ARHGEF11: variants seen among roughly 807,000 people sequenced by gnomAD.
The protein encoded by ARHGEF11 is Rho guanine nucleotide exchange factor 11.
ARHGEF11 carries 55 observed loss-of-function variants against 193.7 expected under a neutral mutation model. The ratio of observed to expected loss-of-function variants is 0.28; its 90% CI spans 0.23 to 0.36. The LOEUF (loss-of-function observed/expected upper bound fraction) is 0.36. Among genes scored for constraint, ARHGEF11 ranks in the 10% least tolerant of loss-of-function variants. The pLI, the probability that ARHGEF11 is intolerant of heterozygous loss-of-function variation, is 1.00. For synonymous variants in ARHGEF11, 693 were observed against 768.0 expected, an observed-to-expected ratio of 0.90 and a Z score of 1.62; for missense variants, 1,723 against 2,005.6, an observed-to-expected ratio of 0.86 and a Z score of 2.69.
chr1:156,940,102 A>T, intron 36 of ARHGEF11, 105 bp downstream of exon 36: 1 of 1,427,650 alleles, frequency 7.0e-7, no homozygotes. Flanking sequence ...CCTCAAGCAC[A>T]CCAGGAAGAG....
chr1:156,936,015 C>T lies in ARHGEF11; in HGVS notation c.4674G>A (p.Ala1558=), dbSNP rs142158510. ...PLEDSTADAA[A]SPGP is the part of the protein sequence containing the mutation. ...GTTTGTACGGTTATGGTCCTGGTGACGCGGCTGCGTCTGCTGTGCTGTCTT... is the reference window on the plus strand; with the variant it reads ...GTTTGTACGGTTATGGTCCTGGTGATGCGGCTGCGTCTGCTGTGCTGTCTT... Residue 1558 remains alanine, a synonymous_variant, in exon 41 of 41, where the codon GCG becomes GCA. Transcript: ENST00000368194. 398 of 1,613,572 alleles carry T rather than the reference C, an allele frequency of 2.5e-4. 3 individuals are homozygous for T. In the South Asian group the frequency reaches 4.1e-3, roughly 17 times the overall value.
intron 7 of ARHGEF11, among the ~76,000 whole-genome samples, chr1:156,975,961 C>G (rs1663193860): frequency 6.6e-6 from 1 of 152,158 alleles, no homozygotes; most frequent in Admixed American, 6.5e-5. Flanking sequence ...GTCTTGATTA[C>G]TCTGACATTT....
intron 12 of ARHGEF11, 61 bp downstream of exon 12, chr1:156,963,459 G>C: frequency 6.4e-7 from 1 of 1,568,342 alleles, no homozygotes. Flanking sequence ...ACTGCTTCTA[G>C]TCAAGAGCAG....
At chr1:157,037,330 A>G (rs1237532495) in intron 1 of ARHGEF11, among the ~76,000 whole-genome samples, 7 of 152,120 alleles carry the variant, frequency 4.6e-5, no homozygotes, top group Non-Finnish European at 1.0e-4. Flanking sequence ...CTATATATTA[A>G]TATCAGAATT....
chr1:156,944,159 C>T (rs927034221), intron 31 of ARHGEF11, 57 bp from the exon 32 acceptor site: 9 of 1,583,128 alleles, frequency 5.7e-6, no homozygotes, highest in Non-Finnish European at 7.8e-6. Context: ...CCCTCATGAG[C>T]ACAATGCAGG....
intron 3 of ARHGEF11, among the ~76,000 whole-genome samples, chr1:156,983,452 G>A (rs1487278139): frequency 6.6e-6 from 1 of 152,138 alleles, no homozygotes; most frequent in African/African-American, 2.4e-5. Flanking sequence ...TCGATCTCCT[G>A]ACCTCGTGAT....
Position 157,045,618 on chromosome 1 carries a change from C to T in ARHGEF11, c.-1288G>A, listed in dbSNP as rs1241211196. Among the ~76,000 whole-genome samples the T allele has an allele frequency of 1.3e-5, 2 of 151,380 alleles. No individual in the cohort carries two copies. The highest frequency in any genetic ancestry group is 3.0e-5 in the Non-Finnish European group (2 of 67,766). ...GGACGCCCGGCCGGGCCTCGGGCTC[C>T]CGGCGCCGCTCGCCCCGCGCCCGAC... On this transcript the variant is annotated 5_prime_UTR_variant, in exon 1 of 41. Transcript: ENST00000368194.
chr1:156,937,466 C>T lies in ARHGEF11; in HGVS notation c.4223G>A (p.Gly1408Glu), dbSNP rs746124381. The T allele has an allele frequency of 2.0e-6, 3 of 1,534,514 alleles. No individual in the cohort carries two copies. Among genetic ancestry groups the T allele is most frequent in the Non-Finnish European group, 1.7e-6 (2 of 1,144,084 alleles). Residue 1408 changes from glycine (G) to glutamate (E), a missense_variant, in exon 39 of 41, where the codon GGA becomes GAA. Physicochemically the swap from Gly to Glu is moderately conservative, Grantham distance 98 (BLOSUM62 -2). This residue lies in a region of ARHGEF11 where 360 missense variants were observed against 344.4 expected (regional missense o/e 1.05). Coordinates refer to ENST00000368194, the MANE Select transcript of ARHGEF11 (RefSeq NM_198236.3). Reference protein sequence around the residue: ...GNCFYVSMPSGPPDSSTDHSE... With the variant: ...GNCFYVSMPSEPPDSSTDHSE... ...GTGGTCGGTGCTTGAGTCCGGGGGT[C>T]CTGATGGCATGCTGACATAAAAGCA...
At chr1:156,937,191 A>T (rs1655606853) in intron 39 of ARHGEF11, 58 bp downstream of exon 39, 1 of 1,607,182 alleles carries the variant, frequency 6.2e-7, no homozygotes, top group Non-Finnish European at 8.5e-7. Context: ...ACTCATGGGG[A>T]ATGGTTTTGG....
chr1:157,008,113 A>G (rs703152), intron 1 of ARHGEF11, among the ~76,000 whole-genome samples: 114,963 of 151,906 alleles, frequency 0.76, 43,955 homozygotes, highest in Non-Finnish European at 0.81. Flanking sequence ...CATATAACTC[A>G]AACTCGAAAA....
chr1:156,950,407 C>G (rs1658898599), intron 22 of ARHGEF11, among the ~76,000 whole-genome samples: 1 of 151,844 alleles, frequency 6.6e-6, no homozygotes, highest in African/African-American at 2.4e-5. Context: ...GAGGCTGAGG[C>G]AGGAAGATTG....
At chr1:157,023,764 T>C (rs1370657938) in intron 1 of ARHGEF11, among the ~76,000 whole-genome samples, 1 of 74,154 alleles carries the variant, frequency 1.3e-5, no homozygotes, top group South Asian at 4.3e-4. Flanking sequence ...AGACTCCATC[T>C]CAAAAAAAAA....
intron 15 of ARHGEF11, among the ~76,000 whole-genome samples, chr1:156,959,463 T>C (rs762998012): frequency 9.9e-5 from 15 of 152,234 alleles, no homozygotes; most frequent in Non-Finnish European, 1.9e-4. Context: ...TGCAGACCTC[T>C]GAGAGGCTTG....
intron 10 of ARHGEF11, 122 bp from the exon 11 acceptor site, chr1:156,968,246 G>A (rs1013685729): frequency 6.4e-6 from 7 of 1,098,464 alleles, no homozygotes; most frequent in Non-Finnish European, 7.7e-6. Context: ...TGCAGTACTT[G>A]CTCTGTGCCT....
chr1:157,028,043 T>C (rs1451393917), intron 1 of ARHGEF11, among the ~76,000 whole-genome samples: 2 of 152,200 alleles, frequency 1.3e-5, no homozygotes, highest in African/African-American at 4.8e-5. Context: ...TATCCCTATA[T>C]GACTACAGCT....
chr1:156,991,779 G>T (rs1251477650), intron 1 of ARHGEF11, among the ~76,000 whole-genome samples: 3 of 137,380 alleles, frequency 2.2e-5, no homozygotes, highest in Non-Finnish European at 3.1e-5. Flanking sequence ...TGCAGTGGCG[G>T]GATCTCGGCT....
chr1:156,981,625 T>A (rs1664189062), intron 3 of ARHGEF11, among the ~76,000 whole-genome samples: 1 of 152,108 alleles, frequency 6.6e-6, no homozygotes, highest in African/African-American at 2.4e-5. Flanking sequence ...TACAGGCATG[T>A]GCCAACACAT....
chr1:157,031,132 G>C (rs1026028327), intron 1 of ARHGEF11, among the ~76,000 whole-genome samples: 6 of 152,156 alleles, frequency 3.9e-5, no homozygotes, highest in Non-Finnish European at 1.5e-5. Context: ...TGCTCCAGCA[G>C]AGTGAAAGTT....
intron 4 of ARHGEF11, among the ~76,000 whole-genome samples, chr1:156,979,554 T>C (rs1353517262): frequency 2.0e-5 from 3 of 151,994 alleles, no homozygotes; most frequent in Admixed American, 6.6e-5. Context: ...TTAGGAGAGA[T>C]GGGGTTTCAC....
Sources: gnomAD v4.1 joint callset for allele counts (sites outside exome capture counted in the v4.1 genomes callset) on GRCh38, gnomAD v4.1.1 for gene constraint, gnomAD v4.1.1 regional missense constraint, MANE v1.5 for transcripts, NCBI Gene and HGNC (gene_info 2026-07-23, HGNC 2026-07-21) for gene names.